UGGT1: variants seen among roughly 807,000 people sequenced by gnomAD.
UGGT1 encodes the protein UDP-glucose:glycoprotein glucosyltransferase 1.
UGGT1 carries 107 observed loss-of-function variants against 203.9 expected under a neutral mutation model. The observed-to-expected ratio is 0.52, with a 90% CI of 0.45 to 0.62. UGGT1 has a LOEUF of 0.62. Ranked by LOEUF, UGGT1 falls within the 20% of genes least tolerant of loss-of-function variation. UGGT1 has a pLI of 0.00. For missense variants in UGGT1, 1,673 were observed against 1,867.2 expected (o/e 0.90, Z 1.92); for synonymous variants, 628 against 653.5 (o/e 0.96, Z 0.59).
chr2:128,121,353 C>G, intron 10 of UGGT1, 55 bp downstream of exon 10: 1 of 1,244,378 alleles, frequency 8.0e-7, no homozygotes, highest in Non-Finnish European at 1.1e-6. Flanking sequence ...TCGTCATGTT[C>G]ACTTGCCAAA....
chr2:128,156,064 G>A lies in UGGT1; in HGVS notation c.2237-328G>A, dbSNP rs1022203643. Among the ~76,000 whole-genome samples, 4 of 152,196 alleles carry A rather than the reference G, an allele frequency of 2.6e-5. No homozygotes were observed. In the East Asian group the frequency reaches 5.8e-4, roughly 22 times the overall value. On this transcript the variant is annotated intron_variant, in intron 20 of 40. Transcript: ENST00000259253. ...CGCCCTGTAGTGGCGGACAGATTCT[G>A]TCGCCCTCGGGTCAGTGCTTCAGAA...
chr2:128,091,860 C>G (rs1686880965), intron 1 of UGGT1, among the ~76,000 whole-genome samples: 1 of 152,196 alleles, frequency 6.6e-6, no homozygotes, highest in Non-Finnish European at 1.5e-5. Flanking sequence ...TCTTTTAACA[C>G]TGTGATCTGT....
chr2:128,091,675 C>A, intron 1 of UGGT1: 1 of 1,143,498 alleles, frequency 8.7e-7, no homozygotes, highest in Non-Finnish European at 1.2e-6. Flanking sequence ...ATCCTTGTGC[C>A]AAGTGCAGAA....
chr2:128,156,262 C>T (rs1690221555), intron 20 of UGGT1, 130 bp from the exon 21 acceptor site: 1 of 704,484 alleles, frequency 1.4e-6, no homozygotes, highest in Non-Finnish European at 2.5e-6. Context: ...CGCCATGACA[C>T]CGACAGGACT....
intron 9 of UGGT1, 102 bp from the exon 10 acceptor site, chr2:128,121,097 C>T: frequency 8.9e-7 from 1 of 1,124,354 alleles, no homozygotes; most frequent in Non-Finnish European, 1.3e-6. Context: ...CGAAGATATT[C>T]TTAATTACCA....
At chr2:128,129,692 C>G (rs1373332131) in intron 13 of UGGT1, among the ~76,000 whole-genome samples, 1 of 152,114 alleles carries the variant, frequency 6.6e-6, no homozygotes, top group Non-Finnish European at 1.5e-5. Context: ...AACCAGTGCG[C>G]CTGGCCAAGA....
intron 37 of UGGT1, among the ~76,000 whole-genome samples, chr2:128,182,543 AC>A (rs1691747333): frequency 6.6e-6 from 1 of 152,124 alleles, no homozygotes; most frequent in African/African-American, 2.4e-5. Flanking sequence ...TACTAAAAAT[AC>A]AAAAATTAGC....
chr2:128,160,190 A>C (rs1426562831), intron 23 of UGGT1, among the ~76,000 whole-genome samples: 1 of 152,210 alleles, frequency 6.6e-6, no homozygotes, highest in Admixed American at 6.5e-5. Context: ...TGTCACTGGA[A>C]ATTAGCAGGA....
At position 128,156,498 on chromosome 2, in the gene UGGT1, C is replaced by T. The variant is rs962817136; in HGVS notation, c.2260+83C>T. On this transcript the variant is annotated intron_variant, in intron 21 of 40. Transcript: ENST00000259253. Reference sequence around the variant, plus strand: ...CATTGTAATTTAGAATTTATCAACACTTAATTGTACTGTTTCCGGAATCTG... The same window carrying T: ...CATTGTAATTTAGAATTTATCAACATTTAATTGTACTGTTTCCGGAATCTG... 3.9e-6 allele frequency: 4 copies of T among 1,026,548 alleles called. No individual in the cohort carries two copies. The South Asian group carries it at 4.2e-5, about 11-fold the overall frequency. The allele number at this position is 1,026,548 out of a possible 1,614,324, so 63.6% of individuals were successfully genotyped here. A position where few individuals can be genotyped will look rare whatever the true frequency, so the allele number is the denominator to read the frequency against.
At chr2:128,161,550 C>T (rs1253677847) in intron 25 of UGGT1, among the ~76,000 whole-genome samples, 1 of 151,976 alleles carries the variant, frequency 6.6e-6, no homozygotes, top group African/African-American at 2.4e-5. Context: ...AGTAAAGAGG[C>T]TAGTTTATTT....
At chr2:128,111,203 G>A (rs1028427062) in intron 5 of UGGT1, among the ~76,000 whole-genome samples, 2 of 152,090 alleles carry the variant, frequency 1.3e-5, no homozygotes, top group Non-Finnish European at 1.5e-5. Flanking sequence ...AAGTAGCTGG[G>A]TGTGGTGGCA....
intron 1 of UGGT1, among the ~76,000 whole-genome samples, chr2:128,093,970 A>G (rs1558742104): frequency 6.6e-6 from 1 of 152,130 alleles, no homozygotes; most frequent in Non-Finnish European, 1.5e-5. Context: ...TGTGTATGTA[A>G]AGCACCTAAT....
chr2:128,125,939 A>T (rs958396616), intron 11 of UGGT1, among the ~76,000 whole-genome samples: 10 of 145,668 alleles, frequency 6.9e-5, no homozygotes, highest in Non-Finnish European at 9.1e-5. Context: ...GCATAAATAT[A>T]TACTTTTTTT....
chr2:128,151,754 C>T (rs921172489), intron 18 of UGGT1, among the ~76,000 whole-genome samples: 1 of 151,948 alleles, frequency 6.6e-6, no homozygotes, highest in Non-Finnish European at 1.5e-5. Flanking sequence ...GCCTGTAGTC[C>T]CAGCTATTTG....
intron 5 of UGGT1, among the ~76,000 whole-genome samples, chr2:128,112,271 A>T (rs965566081): frequency 2.7e-5 from 4 of 150,158 alleles, no homozygotes; most frequent in African/African-American, 9.8e-5. Context: ...AAATACAAAA[A>T]TTAGCCGGGT....
At chr2:128,119,936 T>C (rs1376217893) in intron 8 of UGGT1, among the ~76,000 whole-genome samples, 2 of 151,720 alleles carry the variant, frequency 1.3e-5, no homozygotes, top group Non-Finnish European at 2.9e-5. Flanking sequence ...CCTTTCTTTC[T>C]TTCTTTTTTT....
rs147887863 is a variant in UGGT1, at chr2:128,173,096, T to A, written c.3294+334T>A. Reference sequence around the variant, plus strand: ...TGGTCTACTTTGTATCTCTATGGATTTGCCTATTCTGACATTTTGTCTAAA... The same window carrying A: ...TGGTCTACTTTGTATCTCTATGGATATGCCTATTCTGACATTTTGTCTAAA... On this transcript the variant is annotated intron_variant, in intron 29 of 40. Coordinates refer to ENST00000259253, the MANE Select transcript of UGGT1 (RefSeq NM_020120.4). 4.5e-4 allele frequency among the ~76,000 whole-genome samples: 69 copies of A among 152,318 alleles called. No individual in the cohort carries two copies. The Middle Eastern group carries it at 0.014, about 30-fold the overall frequency.
At chr2:128,127,539 T>C (rs796890295) in intron 12 of UGGT1, 87 bp downstream of exon 12, 42 of 1,025,518 alleles carry the variant, frequency 4.1e-5, no homozygotes, top group African/African-American at 1.9e-4. Context: ...CTTCTTGATA[T>C]GGCATGATGC....
chr2:128,149,571 C>CCT (rs1446118273), intron 18 of UGGT1, among the ~76,000 whole-genome samples: 1 of 150,902 alleles, frequency 6.6e-6, no homozygotes, highest in Non-Finnish European at 1.5e-5. Context: ...CAAGATCATT[C>CCT]TGGCTAACAT....
Sources: allele counts gnomAD v4.1 joint callset (sites outside exome capture counted in the v4.1 genomes callset), GRCh38; gene constraint gnomAD v4.1.1; transcripts MANE v1.5; gene names NCBI Gene and HGNC (gene_info 2026-07-23, HGNC 2026-07-21).